USP53: variants seen among roughly 807,000 people sequenced by gnomAD.
USP53 encodes ubiquitin specific peptidase 53.
Under a neutral mutation model 94.9 loss-of-function variants are expected in USP53, and 71 were observed. That is an observed-to-expected ratio of 0.75 (90% CI 0.62 to 0.91). The LOEUF (loss-of-function observed/expected upper bound fraction) is 0.91, where lower values mean the gene tolerates loss of function less well. Ranked by LOEUF, USP53 falls within the 40% of genes least tolerant of loss-of-function variation. USP53 has a pLI of 0.00. For missense variants in USP53, 1,173 were observed against 1,281.0 expected (o/e 0.92, Z 1.29); for synonymous variants, 375 against 422.7 (o/e 0.89, Z 1.39).
At chr4:119,251,716 C>G (rs1171062387) in intron 7 of USP53, among the ~76,000 whole-genome samples, 1 of 152,274 alleles carries the variant, frequency 6.6e-6, no homozygotes, top group African/African-American at 2.4e-5. Context: ...TATTTGAATA[C>G]CCTTTATTGC....
chr4:119,290,952 A>G (rs1754687325), intron 17 of USP53, among the ~76,000 whole-genome samples: 1 of 152,234 alleles, frequency 6.6e-6, no homozygotes, highest in Non-Finnish European at 1.5e-5. Context: ...CCCTCAAGTG[A>G]TAATAAACTG....
At chr4:119,224,700 G>A (rs1487527826) in intron 3 of USP53, among the ~76,000 whole-genome samples, 1 of 152,194 alleles carries the variant, frequency 6.6e-6, no homozygotes. Context: ...ACTGGGTACA[G>A]GGAGAAACTC....
chr4:119,265,321 GT>G (rs1328224677), intron 12 of USP53, among the ~76,000 whole-genome samples: 1 of 152,170 alleles, frequency 6.6e-6, no homozygotes, highest in Non-Finnish European at 1.5e-5. Flanking sequence ...TGATGTAGGA[GT>G]TTATTAAGTT....
At chr4:119,246,611 G>A (rs964986446) in intron 6 of USP53, among the ~76,000 whole-genome samples, 2 of 152,210 alleles carry the variant, frequency 1.3e-5, no homozygotes, top group African/African-American at 4.8e-5. Flanking sequence ...AACTATAACA[G>A]GGGTTTAGAT....
chr4:119,247,647 C>T (rs898025248), intron 6 of USP53, among the ~76,000 whole-genome samples: 2 of 152,112 alleles, frequency 1.3e-5, no homozygotes, highest in African/African-American at 2.4e-5. Context: ...GGTTGTCATC[C>T]ATTTTTCTAG....
chr4:119,229,610 A>G (rs1745783202), intron 3 of USP53, among the ~76,000 whole-genome samples: 1 of 152,142 alleles, frequency 6.6e-6, no homozygotes, highest in Non-Finnish European at 1.5e-5. Context: ...TCTCTGCTTC[A>G]TAGGTTTTGT....
chr4:119,236,013 C>T (rs1746694677), intron 4 of USP53, among the ~76,000 whole-genome samples: 1 of 152,148 alleles, frequency 6.6e-6, no homozygotes, highest in Non-Finnish European at 1.5e-5. Context: ...GTTTCAGTGA[C>T]TGGTTCAATA....
At chr4:119,226,957 C>T (rs533889894) in intron 3 of USP53, among the ~76,000 whole-genome samples, 28 of 151,720 alleles carry the variant, frequency 1.8e-4, no homozygotes, top group Non-Finnish European at 4.0e-4. Flanking sequence ...CCTCAGCCTC[C>T]TGAGGAGCTG....
chr4:119,292,413 A>T lies in USP53; in HGVS notation c.2424A>T (p.Arg808Ser). ...SLQIPKDHNA[R>S]EHIHQSDEQK... ...AAATACCCAAGGACCATAATGCAAGAGAACATATCCACCAGTCAGATGAAC... is the reference window on the plus strand; with the variant it reads ...AAATACCCAAGGACCATAATGCAAGTGAACATATCCACCAGTCAGATGAAC... The change falls in exon 19 of 19, where the codon AGA becomes AGT. Residue 808 changes from arginine to serine, a missense_variant. Coordinates refer to ENST00000692078, the MANE Select transcript of USP53 (RefSeq NM_001371395.1). The T allele has an allele frequency of 1.9e-6, 3 of 1,614,006 alleles. No individual in the cohort carries two copies. Among genetic ancestry groups the T allele is most frequent in the Non-Finnish European group, 2.5e-6 (3 of 1,179,904 alleles).
intron 17 of USP53, among the ~76,000 whole-genome samples, chr4:119,287,710 C>A (rs1176995690): frequency 9.2e-5 from 14 of 152,046 alleles, no homozygotes; most frequent in Non-Finnish European, 2.9e-5. Context: ...ATTGACAGTT[C>A]ATGCTAATGC....
rs1459748813 is a variant in USP53 at position 119,259,937 on chromosome 4, T to C, written c.675+12T>C. ...ATAGGAAATGTCCTGTAAGTATAGT[T>C]TGGAGAATATTAGTATGCTTCTTGT... On this transcript the variant is annotated intron_variant, in intron 10 of 18. Coordinates refer to ENST00000692078, the MANE Select transcript of USP53 (RefSeq NM_001371395.1). 6 of 1,578,292 alleles carry C rather than the reference T, an allele frequency of 3.8e-6. No individual in the cohort carries two copies. In the South Asian group the frequency reaches 6.9e-5, roughly 18 times the overall value.
Position 119,291,160 on chromosome 4 carries a change from C to CAAAG in USP53, c.2252-5_2252-4insAAAG. The CAAAG allele has an allele frequency of 6.9e-7, 1 of 1,459,208 alleles. No homozygotes were observed. Among genetic ancestry groups the CAAAG allele is most frequent in the Non-Finnish European group, 9.3e-7 (1 of 1,070,994 alleles). 90.4% of individuals were successfully genotyped at this position (1,459,208 alleles called of 1,614,324 possible). A position where few individuals can be genotyped will look rare whatever the true frequency, so the allele number is the denominator to read the frequency against. ...ATCTCTTCTCCCCACCCCACCCAAC[C>CAAAG]CTAGGCTTTAGAAAAGAACTCAGGA... is the stretch of plus-strand genomic sequence containing the variant. On this transcript the variant is annotated splice_polypyrimidine_tract_variant and splice_region_variant and intron_variant, in intron 17 of 18. Transcript: ENST00000692078.
At chr4:119,240,910 C>T (rs905244231) in intron 5 of USP53, among the ~76,000 whole-genome samples, 1 of 152,066 alleles carries the variant, frequency 6.6e-6, no homozygotes, top group African/African-American at 2.4e-5. Flanking sequence ...CTCAAAGATC[C>T]CACTGACATT....
At chr4:119,218,185 G>C (rs991974622) in intron 3 of USP53, 4 of 152,148 alleles carry the variant, frequency 2.6e-5, no homozygotes, top group African/African-American at 9.7e-5. Context: ...TTTGTTCTCA[G>C]CAACTGGAAA....
At chr4:119,232,813 T>C (rs1329228514) in intron 3 of USP53, among the ~76,000 whole-genome samples, 1 of 152,210 alleles carries the variant, frequency 6.6e-6, no homozygotes, top group Non-Finnish European at 1.5e-5. Flanking sequence ...ATTAAGGGTA[T>C]GTTAGCTTTA....
intron 17 of USP53, among the ~76,000 whole-genome samples, chr4:119,286,966 T>C (rs1295021800): frequency 6.6e-6 from 1 of 151,996 alleles, no homozygotes; most frequent in African/African-American, 2.4e-5. Flanking sequence ...CTGGGATAAA[T>C]TTTACTGCTT....
intron 17 of USP53, among the ~76,000 whole-genome samples, chr4:119,289,155 G>T (rs1159109692): frequency 1.3e-5 from 2 of 152,104 alleles, no homozygotes; most frequent in African/African-American, 4.8e-5. Flanking sequence ...CAGCAAAAGT[G>T]CTTTATGCAT....
chr4:119,291,848 AAATAT>A (rs1754794562), intron 18 of USP53, among the ~76,000 whole-genome samples: 1 of 152,114 alleles, frequency 6.6e-6, no homozygotes, highest in Non-Finnish European at 1.5e-5. Context: ...CAAGACCCTC[AAATAT>A]AATATAAATA....
At chr4:119,256,622 C>A in intron 9 of USP53, 99 bp downstream of exon 9, 1 of 1,229,146 alleles carries the variant, frequency 8.1e-7, no homozygotes, top group South Asian at 1.3e-5. Flanking sequence ...TGAATTTCCC[C>A]TCTCTGTCTG....
Sources: allele counts gnomAD v4.1 joint callset (sites outside exome capture counted in the v4.1 genomes callset), GRCh38; gene constraint gnomAD v4.1.1; transcripts MANE v1.5; gene names NCBI Gene and HGNC (gene_info 2026-07-23, HGNC 2026-07-21).